The following USP47 variants were observed in gnomAD, a reference collection of about 807,000 sequenced individuals.
USP47 encodes the protein ubiquitin specific peptidase 47.
USP47 carries 35 observed loss-of-function variants against 165.1 expected under a neutral mutation model. That is an observed-to-expected ratio of 0.21 (90% CI 0.16 to 0.28). The LOEUF (loss-of-function observed/expected upper bound fraction) is 0.28, where lower values mean the gene tolerates loss of function less well. Ranked by LOEUF, USP47 falls within the 10% of genes least tolerant of loss-of-function variation. USP47 has a pLI of 1.00. For missense variants in USP47, 1,277 were observed against 1,607.4 expected (o/e 0.79, Z 3.52); for synonymous variants, 531 against 544.5 (o/e 0.98, Z 0.35).
In USP47 at chr11:11,922,899, T is replaced by A. The variant is rs774384476; in HGVS notation, c.1386+8T>A. 1 of 1,606,738 alleles carries A rather than the reference T, an allele frequency of 6.2e-7. No individual in the cohort carries two copies. Among genetic ancestry groups the A allele is most frequent in the Non-Finnish European group, 8.5e-7 (1 of 1,176,402 alleles). On this transcript the variant is annotated splice_region_variant and intron_variant, in intron 11 of 27. Transcript: ENST00000527733. ...AAATCTGGACTTGAAAAGGTACCTTTTATAGTTTGCATTTTTTAGTTGAAA... is the reference window on the plus strand; with the variant it reads ...AAATCTGGACTTGAAAAGGTACCTTATATAGTTTGCATTTTTTAGTTGAAA...
intron 8 of USP47, among the ~76,000 whole-genome samples, chr11:11,907,894 G>A (rs1323840120): frequency 6.6e-6 from 1 of 152,004 alleles, no homozygotes; most frequent in Admixed American, 6.6e-5. Flanking sequence ...ACAGGAGTTC[G>A]AGACCAGTCT....
chr11:11,943,400 A>G (rs1855619383), intron 20 of USP47: 1 of 200,908 alleles, frequency 5.0e-6, no homozygotes. Flanking sequence ...TATATTAAAA[A>G]GTAAATAATA....
At chr11:11,872,573 A>AT (rs1367150438) in intron 1 of USP47, among the ~76,000 whole-genome samples, 1 of 152,192 alleles carries the variant, frequency 6.6e-6, no homozygotes, top group South Asian at 2.1e-4. Flanking sequence ...CATGGTACAG[A>AT]TACATAAAGA....
intron 10 of USP47, among the ~76,000 whole-genome samples, 190 bp downstream of exon 10, chr11:11,920,684 A>G (rs528841515): frequency 2.6e-5 from 4 of 152,028 alleles, no homozygotes; most frequent in Middle Eastern, 3.4e-3. Flanking sequence ...TCCTGACTGC[A>G]TAAATTATAT....
At chr11:11,935,230 A>C (rs989232290) in intron 16 of USP47, among the ~76,000 whole-genome samples, 6 of 152,008 alleles carry the variant, frequency 3.9e-5, no homozygotes, top group African/African-American at 1.4e-4. Context: ...CCCTCACTAA[A>C]CTATAAGCAC....
chr11:11,932,348 T>A (rs1056035366), intron 14 of USP47, among the ~76,000 whole-genome samples: 1 of 152,116 alleles, frequency 6.6e-6, no homozygotes, highest in African/African-American at 2.4e-5. Flanking sequence ...AGGACAGATG[T>A]CCAAACTATA....
chr11:11,888,208 A>G (rs749245638), intron 3 of USP47, among the ~76,000 whole-genome samples: 2 of 152,168 alleles, frequency 1.3e-5, no homozygotes, highest in Non-Finnish European at 2.9e-5. Flanking sequence ...AGAAATAACC[A>G]AAATCAGCAC....
intron 8 of USP47, among the ~76,000 whole-genome samples, chr11:11,913,061 G>T (rs1409346395): frequency 6.6e-6 from 1 of 151,934 alleles, no homozygotes; most frequent in Non-Finnish European, 1.5e-5. Context: ...CATTGTGAGA[G>T]ACTGCTTTCT....
chr11:11,888,657 A>T (rs1221170234), intron 3 of USP47, among the ~76,000 whole-genome samples: 1 of 152,224 alleles, frequency 6.6e-6, no homozygotes, highest in Non-Finnish European at 1.5e-5. Context: ...TACTGAAACT[A>T]TTCCAAAAAA....
intron 7 of USP47, among the ~76,000 whole-genome samples, chr11:11,904,826 A>G (rs949899194): frequency 6.6e-6 from 1 of 152,190 alleles, no homozygotes; most frequent in African/African-American, 2.4e-5. Flanking sequence ...TAAAAAGATT[A>G]TGGTGTAATA....
chr11:11,851,230 A>G (rs1222765824), intron 1 of USP47, among the ~76,000 whole-genome samples: 4 of 152,096 alleles, frequency 2.6e-5, no homozygotes, highest in African/African-American at 9.7e-5. Context: ...CTAATTCCCC[A>G]GTTTTCATTA....
rs1312047820 is a variant in USP47 at position 11,958,234 on chromosome 11, CTCT to C, written c.*2061_*2063del. 6.6e-6 allele frequency: 1 copy of C among 152,224 alleles called. No individual in the cohort carries two copies. The highest frequency in any genetic ancestry group is 1.5e-5 in the Non-Finnish European group (1 of 68,038). 9.4% of individuals were successfully genotyped at this position (152,224 alleles called of 1,614,324 possible). A position where few individuals can be genotyped will look rare whatever the true frequency, so the allele number is the denominator to read the frequency against. On this transcript the variant is annotated 3_prime_UTR_variant, in exon 28 of 28. Coordinates refer to ENST00000527733, the MANE Select transcript of USP47 (RefSeq NM_001282659.2). The stretch of plus-strand genomic sequence containing the variant: ...AATGGTAAAATTCTTCTGATACCCA[CTCT>C]TTAGACTGTGCCTTCTGCTCTGTTC...
chr11:11,938,289 A>G lies in USP47; in HGVS notation c.2110A>G (p.Lys704Glu). ...GGTGAAAGTTCATGTTGTTGATCTA[A>G]AGGCAGAATCTGTAGCTGCTCCTAT... ...VMVKVHVVDL[K>E]AESVAAPITV... The change falls in exon 18 of 28, where the codon AAG (lysine) becomes GAG (glutamate). Residue 704 changes from lysine to glutamate, a missense_variant. Lys to Glu is a moderately conservative substitution (Grantham distance 56, BLOSUM62 1). Coordinates refer to ENST00000527733, the MANE Select transcript of USP47 (RefSeq NM_001282659.2). The G allele has an allele frequency of 2.5e-6, 4 of 1,612,184 alleles. No individual in the cohort carries two copies. The highest frequency in any genetic ancestry group is 3.4e-6 in the Non-Finnish European group (4 of 1,178,776).
Position 11,940,448 on chromosome 11 carries a change from A to G in USP47, c.2213A>G (p.Glu738Gly), listed in dbSNP as rs747225079. The G allele has an allele frequency of 6.2e-7, 1 of 1,609,980 alleles. No individual in the cohort carries two copies. Among genetic ancestry groups the G allele is most frequent in the East Asian group, 2.2e-5 (1 of 44,774 alleles). Residue 738 changes from glutamate to glycine, a missense_variant, in exon 19 of 28, where the codon GAA (glutamate) becomes GGA (glycine). Glu to Gly is a moderately conservative substitution (Grantham distance 98). Coordinates refer to ENST00000527733, the MANE Select transcript of USP47 (RefSeq NM_001282659.2). ...TTATAGGCCATCCATTTACCTGCTG[A>G]AACAATGAGAATAGTGCTGGAACGC... ...LISKAIHLPAETMRIVLERCY... is the reference protein window; with the variant it reads ...LISKAIHLPAGTMRIVLERCY...
chr11:11,919,559 A>G (rs1853674170), intron 8 of USP47, among the ~76,000 whole-genome samples: 1 of 151,826 alleles, frequency 6.6e-6, no homozygotes, highest in Non-Finnish European at 1.5e-5. Flanking sequence ...CTACCAAATT[A>G]ACAATCCAGG....
intron 4 of USP47, among the ~76,000 whole-genome samples, chr11:11,894,402 G>A (rs1023745695): frequency 5.9e-5 from 9 of 152,028 alleles, no homozygotes; most frequent in African/African-American, 1.7e-4. Flanking sequence ...GCAGTGAGCC[G>A]AAATTGAGCC....
chr11:11,846,451 G>A (rs1848432254), intron 1 of USP47, among the ~76,000 whole-genome samples: 1 of 152,072 alleles, frequency 6.6e-6, no homozygotes, highest in African/African-American at 2.4e-5. Flanking sequence ...AGTGCTCATG[G>A]ACTCTAAATC....
intron 22 of USP47, 142 bp from the exon 23 acceptor site, chr11:11,949,747 G>C: frequency 1.7e-6 from 1 of 571,906 alleles, no homozygotes; most frequent in East Asian, 3.1e-5. Flanking sequence ...GTGGAGCTAA[G>C]GTTTCAAAAA....
At chr11:11,947,519 G>A (rs1396871571) in intron 20 of USP47, among the ~76,000 whole-genome samples, 1 of 152,190 alleles carries the variant, frequency 6.6e-6, no homozygotes, top group Non-Finnish European at 1.5e-5. Context: ...ACTCAGGTGG[G>A]CACTATTATC....
Sources: allele counts gnomAD v4.1 joint callset (sites outside exome capture counted in the v4.1 genomes callset), GRCh38; gene constraint gnomAD v4.1.1; transcripts MANE v1.5; gene names NCBI Gene and HGNC (gene_info 2026-07-23, HGNC 2026-07-21).